DNMBP: variants seen among roughly 807,000 people sequenced by gnomAD.
The protein encoded by DNMBP is dynamin-binding protein.
Under a neutral mutation model 150.0 loss-of-function variants are expected in DNMBP, and 87 were observed. That is an observed-to-expected ratio of 0.58 (90% confidence interval 0.49 to 0.69). DNMBP has a LOEUF of 0.69. Ranked by LOEUF, DNMBP falls within the 30% of genes least tolerant of loss-of-function variation. The probability of loss-of-function intolerance (pLI) is 0.00; values close to 1 mark genes in which losing one functional copy is unlikely to be tolerated. For synonymous variants in DNMBP, 711 were observed against 750.4 expected, an observed-to-expected ratio of 0.95 and a Z score of 0.86; for missense variants, 1,774 against 1,949.0, an observed-to-expected ratio of 0.91 and a Z score of 1.69.
rs1191043551 is a variant in DNMBP, at chr10:99,898,742, C to T, written c.2720+1G>A. ...ATACATCAAGCAGCAATGGAACTTA[C>T]CATTCGTTGTATAGGCTCCTGCAAG... On this transcript the variant is annotated splice_donor_variant, in intron 8 of 16. Transcript: ENST00000324109. LOFTEE classifies it high-confidence loss of function. The T allele has an allele frequency of 6.2e-7, 1 of 1,613,828 alleles. No homozygotes were observed. The highest frequency in any genetic ancestry group is 8.5e-7 in the Non-Finnish European group (1 of 1,179,852).
intron 11 of DNMBP, among the ~76,000 whole-genome samples, chr10:99,892,448 G>A (rs2039587556): frequency 7.5e-6 from 1 of 133,230 alleles, no homozygotes; most frequent in African/African-American, 3.0e-5. Flanking sequence ...CTGTTGATCT[G>A]TGACCTTACC....
chr10:99,943,767 T>A (rs2040328229), intron 4 of DNMBP, among the ~76,000 whole-genome samples: 3 of 152,184 alleles, frequency 2.0e-5, no homozygotes, highest in African/African-American at 7.2e-5. Context: ...TGCTTCTGCA[T>A]ATAAAACAGT....
chr10:99,923,600 G>T (rs1222902050), intron 4 of DNMBP, among the ~76,000 whole-genome samples: 2 of 151,896 alleles, frequency 1.3e-5, no homozygotes, highest in African/African-American at 4.8e-5. Flanking sequence ...CTCCATACAG[G>T]CCCAGCTCTG....
intron 1 of DNMBP, among the ~76,000 whole-genome samples, chr10:99,991,625 T>C (rs534230292): frequency 3.3e-5 from 5 of 150,866 alleles, no homozygotes; most frequent in South Asian, 2.2e-4. Context: ...CTTGAAAACA[T>C]TGTGCTAAGA....
At chr10:99,969,083 T>G (rs2040649226) in intron 3 of DNMBP, 32 bp downstream of exon 3, 2 of 1,607,482 alleles carry the variant, frequency 1.2e-6, no homozygotes, top group Non-Finnish European at 1.7e-6. Flanking sequence ...AAATCTAATT[T>G]CAAATAGTCT....
chr10:99,970,971 C>CAAAAAAAAAAAAAAAAAAAAAA lies in DNMBP; in HGVS notation c.145+987_145+1008dup, dbSNP rs532226561. On this transcript the variant is annotated intron_variant, in intron 2 of 16. Coordinates refer to ENST00000324109, the MANE Select transcript of DNMBP (RefSeq NM_015221.4). ...TGGGCAACAGAGCAAGACTCCGTCT[C>CAAAAAAAAAAAAAAAAAAAAAA]AAAAAAAAAAAAAAAAAAAAAAAAA... 2.4e-3 allele frequency among the ~76,000 whole-genome samples: 81 copies of CAAAAAAAAAAAAAAAAAAAAAA among 33,192 alleles called. 20 individuals carry two copies. The highest frequency in any genetic ancestry group is 0.021 in the Middle Eastern group (1 of 48). 21.8% of individuals were successfully genotyped at this position (33,192 alleles called of 152,430 possible). A position where few individuals can be genotyped will look rare whatever the true frequency, so the allele number is the denominator to read the frequency against.
intron 1 of DNMBP, among the ~76,000 whole-genome samples, chr10:99,972,897 T>A (rs1456044552): frequency 6.6e-6 from 1 of 152,188 alleles, no homozygotes; most frequent in African/African-American, 2.4e-5. Flanking sequence ...TTCTCAAGGC[T>A]CAGCCTCCCA....
intron 3 of DNMBP, among the ~76,000 whole-genome samples, chr10:99,964,887 T>A (rs11190344): frequency 0.4 from 43,779 of 108,842 alleles, 7,751 homozygotes; most frequent in Non-Finnish European, 0.51. Flanking sequence ...AAAAAAAAAA[T>A]ATATATATAT....
intron 4 of DNMBP, among the ~76,000 whole-genome samples, chr10:99,950,472 A>G (rs963505620): frequency 6.6e-6 from 1 of 152,212 alleles, no homozygotes; most frequent in Non-Finnish European, 1.5e-5. Flanking sequence ...GCTCAGAAGA[A>G]GACAGGAAAA....
At chr10:99,990,278 C>G (rs1371098947) in intron 1 of DNMBP, among the ~76,000 whole-genome samples, 1 of 151,980 alleles carries the variant, frequency 6.6e-6, no homozygotes, top group African/African-American at 2.4e-5. Flanking sequence ...GCTGGCTAGG[C>G]GTGGTGGCTC....
chr10:99,974,292 G>A (rs150352870), intron 1 of DNMBP, among the ~76,000 whole-genome samples: 23 of 152,272 alleles, frequency 1.5e-4, no homozygotes, highest in African/African-American at 2.4e-4. Context: ...GTACTGTTAC[G>A]GTGTCTGTGC....
At chr10:99,977,888 T>C (rs1194217747) in intron 1 of DNMBP, among the ~76,000 whole-genome samples, 1 of 152,232 alleles carries the variant, frequency 6.6e-6, no homozygotes, top group African/African-American at 2.4e-5. Context: ...AAAAATAGTT[T>C]TACCTTCCAG....
At chr10:99,913,684 C>T (rs1305046202) in intron 4 of DNMBP, among the ~76,000 whole-genome samples, 1 of 152,138 alleles carries the variant, frequency 6.6e-6, no homozygotes, top group Admixed American at 6.6e-5. Flanking sequence ...ACACCCCCAG[C>T]CCTTTCCGGT....
rs1055820296 is a variant in DNMBP, at chr10:99,876,583, A to T, written c.*568T>A. On this transcript the variant is annotated 3_prime_UTR_variant, in exon 17 of 17. Coordinates refer to ENST00000324109, the MANE Select transcript of DNMBP (RefSeq NM_015221.4). ...ATGTAGTGCTTTAGGGACTTTAGAA[A>T]TTAGGGGCAGTATGTATGAGAATGT... 1 of 152,248 alleles carries T rather than the reference A, an allele frequency of 6.6e-6. No individual in the cohort carries two copies. The highest frequency in any genetic ancestry group is 1.5e-5 in the Non-Finnish European group (1 of 68,066). 9.4% of individuals were successfully genotyped at this position (152,248 alleles called of 1,614,324 possible).
chr10:99,923,486 G>A (rs749829181), intron 4 of DNMBP, among the ~76,000 whole-genome samples: 2 of 151,862 alleles, frequency 1.3e-5, no homozygotes, highest in African/African-American at 2.4e-5. Flanking sequence ...GTAACTGTGG[G>A]CATCTCTGAG....
intron 1 of DNMBP, among the ~76,000 whole-genome samples, chr10:99,979,131 T>A (rs2040758387): frequency 6.6e-6 from 1 of 152,228 alleles, no homozygotes; most frequent in Non-Finnish European, 1.5e-5. Flanking sequence ...ACCAAAGCCC[T>A]ATGCAAACTA....
At chr10:99,936,515 CTTTTT>C (rs34804787) in intron 4 of DNMBP, among the ~76,000 whole-genome samples, 1 of 134,350 alleles carries the variant, frequency 7.4e-6, no homozygotes, top group African/African-American at 2.8e-5. Context: ...TTTCTTTTTT[CTTTTT>C]TTTTTTTTTT....
chr10:99,883,917 T>C, intron 15 of DNMBP, 94 bp downstream of exon 15: 1 of 1,061,300 alleles, frequency 9.4e-7, no homozygotes, highest in East Asian at 2.4e-5. Context: ...AGATACTTTT[T>C]GCTTTTTTTT....
At chr10:99,913,812 TC>T in intron 4 of DNMBP, 1 of 872,004 alleles carries the variant, frequency 1.1e-6, no homozygotes, top group Non-Finnish European at 1.5e-6. Context: ...CATGCGCCCT[TC>T]CCTTGCCTCA....
Sources: allele counts gnomAD v4.1 joint callset (sites outside exome capture counted in the v4.1 genomes callset), GRCh38; gene constraint gnomAD v4.1.1; transcripts MANE v1.5; gene names NCBI Gene and HGNC (gene_info 2026-07-23, HGNC 2026-07-21).